FHIT: variants seen among roughly 807,000 people sequenced by gnomAD.
FHIT encodes the protein bis(5'-adenosyl)-triphosphatase.
In FHIT, 19 loss-of-function variants were observed where a neutral mutation model predicts 17.9. That is an observed-to-expected ratio of 1.06 (90% CI 0.74 to 1.56). The LOEUF (loss-of-function observed/expected upper bound fraction) is 1.56. FHIT is among the 40% of genes most tolerant of loss of function. The pLI is 0.00. For synonymous variants in FHIT, 81 were observed against 69.7 expected (o/e 1.16, Z -0.81); for missense variants, 248 against 189.2 (o/e 1.31, Z -1.82).
chr3:60,061,142 G>C (rs931718626), intron 5 of FHIT, among the ~76,000 whole-genome samples: 3 of 151,676 alleles, frequency 2.0e-5, no homozygotes, highest in African/African-American at 4.8e-5. Context: ...AAGAGTGTTA[G>C]AGTAGGACGT....
At chr3:60,030,776 A>G (rs1208330176) in intron 5 of FHIT, among the ~76,000 whole-genome samples, 2 of 152,158 alleles carry the variant, frequency 1.3e-5, no homozygotes, top group Admixed American at 6.5e-5. Flanking sequence ...GGGTGGTTTG[A>G]AAAAATGTCT....
intron 5 of FHIT, among the ~76,000 whole-genome samples, chr3:60,084,940 T>A (rs1379992774): frequency 6.6e-6 from 1 of 152,164 alleles, no homozygotes; most frequent in Non-Finnish European, 1.5e-5. Context: ...TCATTCTCCC[T>A]AGAGGCCAAA....
At chr3:60,591,825 T>A (rs1474235467) in intron 4 of FHIT, among the ~76,000 whole-genome samples, 1 of 152,056 alleles carries the variant, frequency 6.6e-6, no homozygotes, top group African/African-American at 2.4e-5. Flanking sequence ...GGAGGAGAAT[T>A]GTCTGGCTCT....
intron 5 of FHIT, among the ~76,000 whole-genome samples, chr3:60,323,789 T>C (rs534270662): frequency 6.6e-6 from 1 of 152,284 alleles, no homozygotes; most frequent in Non-Finnish European, 1.5e-5. Context: ...CTGTTAACCT[T>C]GAAACAAAAG....
intron 2 of FHIT, among the ~76,000 whole-genome samples, chr3:61,134,100 T>TACACACACACATACACACACACACACAC (rs2036842508): frequency 7.4e-6 from 1 of 134,876 alleles, no homozygotes; most frequent in Non-Finnish European, 1.6e-5. Flanking sequence ...CACACACACA[T>TACACACACACATACACACACACACACAC]ACACACACAC....
At chr3:60,090,272 A>C (rs78101717) in intron 5 of FHIT, among the ~76,000 whole-genome samples, 16 of 152,152 alleles carry the variant, frequency 1.1e-4, no homozygotes, top group African/African-American at 3.6e-4. Context: ...TCAATTCACA[A>C]TTTGTTTCCT....
chr3:60,314,102 A>T (rs1326913414), intron 5 of FHIT, among the ~76,000 whole-genome samples: 2 of 53,010 alleles, frequency 3.8e-5, no homozygotes, highest in East Asian at 1.1e-3. Context: ...GGCTTTATTT[A>T]GCTTGCATAA....
chr3:61,115,549 A>G (rs2036276854), intron 2 of FHIT, among the ~76,000 whole-genome samples: 1 of 152,212 alleles, frequency 6.6e-6, no homozygotes, highest in South Asian at 2.1e-4. Flanking sequence ...AGCAGATAAA[A>G]TAGAAATAAG....
At chr3:59,908,603 G>A (rs1704694672) in intron 8 of FHIT, among the ~76,000 whole-genome samples, 1 of 152,044 alleles carries the variant, frequency 6.6e-6, no homozygotes, top group Non-Finnish European at 1.5e-5. Flanking sequence ...AGAGGCCAAG[G>A]AAACAACAGC....
chr3:61,140,675 C>T (rs2037055444), intron 2 of FHIT, among the ~76,000 whole-genome samples: 1 of 152,108 alleles, frequency 6.6e-6, no homozygotes, highest in Admixed American at 6.6e-5. Flanking sequence ...GGCCTCTTTC[C>T]TTATATCTAG....
chr3:60,912,842 T>A (rs1553766265), intron 3 of FHIT: 2 of 501,622 alleles, frequency 4.0e-6, no homozygotes, highest in Non-Finnish European at 4.0e-6. Flanking sequence ...CTATATAAGG[T>A]CACATTTTAA....
chr3:60,068,819 A>T (rs1247993888), intron 5 of FHIT, among the ~76,000 whole-genome samples: 1 of 152,218 alleles, frequency 6.6e-6, no homozygotes, highest in Non-Finnish European at 1.5e-5. Flanking sequence ...TAGAAATGCT[A>T]TTCTTGTTTT....
At position 60,875,814 on chromosome 3, in the gene FHIT, A is replaced by C. The variant is rs148069590; in HGVS notation, c.-110-53803T>G. Among the ~76,000 whole-genome samples, 23 of 152,126 alleles carry C rather than the reference A, an allele frequency of 1.5e-4. No individual in the cohort carries two copies. In the East Asian group the frequency reaches 4.3e-3, roughly 28 times the overall value. ...TTAGAGAAGTTAAGCAAATGGCCAA[A>C]AGTTATGCAGGTAGTAAGTAGCAGA... On this transcript the variant is annotated intron_variant, in intron 3 of 9. Transcript: ENST00000492590.
intron 4 of FHIT, among the ~76,000 whole-genome samples, chr3:60,549,197 T>C (rs1157874449): frequency 6.6e-6 from 1 of 152,208 alleles, no homozygotes; most frequent in Non-Finnish European, 1.5e-5. Flanking sequence ...AAAAATGGTA[T>C]GTAATGGTTA....
chr3:60,460,767 T>G (rs2032411567), intron 5 of FHIT, among the ~76,000 whole-genome samples: 1 of 152,210 alleles, frequency 6.6e-6, no homozygotes, highest in African/African-American at 2.4e-5. Flanking sequence ...GGAATTCTGA[T>G]CCAATAGTCA....
intron 5 of FHIT, among the ~76,000 whole-genome samples, chr3:60,305,128 G>C (rs991313988): frequency 2.6e-5 from 4 of 151,284 alleles, no homozygotes; most frequent in Admixed American, 6.6e-5. Context: ...ATTCCTTTTT[G>C]TTCTTTTTTT....
intron 3 of FHIT, among the ~76,000 whole-genome samples, chr3:60,931,431 T>C (rs999293161): frequency 6.6e-6 from 1 of 152,246 alleles, no homozygotes; most frequent in South Asian, 2.1e-4. Flanking sequence ...AATATATTCA[T>C]TTATTTTACA....
At chr3:61,122,736 C>T (rs778991263) in intron 2 of FHIT, among the ~76,000 whole-genome samples, 6 of 151,994 alleles carry the variant, frequency 3.9e-5, no homozygotes, top group African/African-American at 9.7e-5. Flanking sequence ...ATGTGGACAA[C>T]AAACATATGA....
chr3:61,215,526 T>C (rs529539852), intron 1 of FHIT, among the ~76,000 whole-genome samples: 1 of 152,304 alleles, frequency 6.6e-6, no homozygotes, highest in African/African-American at 2.4e-5. Context: ...CATTCTATGC[T>C]CATGGGTAGG....
Sources: gnomAD v4.1 joint callset for allele counts (sites outside exome capture counted in the v4.1 genomes callset) on GRCh38, gnomAD v4.1.1 for gene constraint, MANE v1.5 for transcripts, NCBI Gene and HGNC (gene_info 2026-07-23, HGNC 2026-07-21) for gene names.